The following TAOK3 variants were observed in gnomAD, a reference collection of about 807,000 sequenced individuals.
TAOK3 encodes the protein serine/threonine-protein kinase TAO3.
Under a neutral mutation model 120.4 loss-of-function variants are expected in TAOK3, and 40 were observed. The observed-to-expected ratio is 0.33, with a 90% CI of 0.26 to 0.43. The LOEUF (loss-of-function observed/expected upper bound fraction) is 0.43, where lower values mean the gene tolerates loss of function less well. TAOK3 is among the 20% of genes least tolerant of loss of function. The pLI is 1.00. For missense variants in TAOK3, 821 were observed against 1,112.1 expected, an observed-to-expected ratio of 0.74 and a Z score of 3.72; for synonymous variants, 355 against 387.5, an observed-to-expected ratio of 0.92 and a Z score of 0.99.
intron 3 of TAOK3, among the ~76,000 whole-genome samples, chr12:118,254,375 ATATAC>A (rs2040887791): frequency 6.6e-6 from 1 of 152,204 alleles, no homozygotes; most frequent in Non-Finnish European, 1.5e-5. Context: ...ACTGTCAGGC[ATATAC>A]TAGTTCTTGA....
chr12:118,265,090 C>T (rs1343286255), intron 2 of TAOK3, among the ~76,000 whole-genome samples: 1 of 151,524 alleles, frequency 6.6e-6, no homozygotes, highest in Non-Finnish European at 1.5e-5. Context: ...AAAATATTTG[C>T]CAGTTAAAAG....
At chr12:118,156,194 C>T (rs537221065) in intron 19 of TAOK3, among the ~76,000 whole-genome samples, 5 of 152,148 alleles carry the variant, frequency 3.3e-5, no homozygotes, top group African/African-American at 9.7e-5. Flanking sequence ...AACCTTTCCT[C>T]GCACTCATTC....
intron 2 of TAOK3, among the ~76,000 whole-genome samples, chr12:118,257,456 A>G (rs2041037156): frequency 6.6e-6 from 1 of 152,172 alleles, no homozygotes; most frequent in Non-Finnish European, 1.5e-5. Context: ...TGAAAAATAT[A>G]GAAATGTTAT....
chr12:118,188,348 T>C, intron 14 of TAOK3, among the ~76,000 whole-genome samples: 1 of 152,188 alleles, frequency 6.6e-6, no homozygotes, highest in East Asian at 1.9e-4. Context: ...TTATGATGCT[T>C]TATCTAGACT....
In TAOK3 at chr12:118,262,129, G is replaced by A. The variant is rs910395176; in HGVS notation, c.-89+4526C>T. Among the ~76,000 whole-genome samples, 10 of 152,046 alleles carry A rather than the reference G, an allele frequency of 6.6e-5. No individual in the cohort carries two copies. In the East Asian group the frequency reaches 1.2e-3, roughly 18 times the overall value. On this transcript the variant is annotated intron_variant, in intron 2 of 20. Coordinates refer to ENST00000392533, the MANE Select transcript of TAOK3 (RefSeq NM_016281.4). The stretch of plus-strand genomic sequence containing the variant: ...ACACACCTCGGCCTCCCAAAGTGCC[G>A]GGATGACAGGTGTGAGCCACTGTGC...
At chr12:118,301,039 G>C (rs2042862784) in intron 1 of TAOK3, among the ~76,000 whole-genome samples, 2 of 152,182 alleles carry the variant, frequency 1.3e-5, no homozygotes. Flanking sequence ...GCCTCCCAAA[G>C]TGCTGGGATT....
chr12:118,234,029 C>G (rs1009557002), intron 8 of TAOK3, among the ~76,000 whole-genome samples: 2 of 152,060 alleles, frequency 1.3e-5, no homozygotes, highest in African/African-American at 2.4e-5. Context: ...CTTAACCTAT[C>G]TGTACATCAG....
chr12:118,190,009 C>T (rs1161309267), intron 13 of TAOK3, 68 bp from the exon 14 acceptor site: 3 of 1,592,724 alleles, frequency 1.9e-6, no homozygotes, highest in Admixed American at 1.7e-5. Flanking sequence ...GCCTCTCTCT[C>T]ACCCCTCTTT....
At chr12:118,347,310 G>T (rs1413766259) in intron 1 of TAOK3, among the ~76,000 whole-genome samples, 1 of 152,178 alleles carries the variant, frequency 6.6e-6, no homozygotes, top group African/African-American at 2.4e-5. Flanking sequence ...ACAAGGCCCA[G>T]TCCAAATGAC....
At chr12:118,248,038 T>C (rs2040591199) in intron 3 of TAOK3, among the ~76,000 whole-genome samples, 1 of 152,126 alleles carries the variant, frequency 6.6e-6, no homozygotes, top group African/African-American at 2.4e-5. Context: ...TTAACAATTT[T>C]AGAGAAAAAT....
chr12:118,357,078 C>T (rs1031989040), intron 1 of TAOK3, among the ~76,000 whole-genome samples: 8 of 152,208 alleles, frequency 5.3e-5, no homozygotes, highest in African/African-American at 1.9e-4. Context: ...GTTCTCAGTA[C>T]ATGAAATGTA....
intron 1 of TAOK3, among the ~76,000 whole-genome samples, chr12:118,290,062 A>C (rs182007412): frequency 6.6e-6 from 1 of 152,106 alleles, no homozygotes; most frequent in African/African-American, 2.4e-5. Flanking sequence ...GATTTTAAAT[A>C]CTCTTTAAAG....
At chr12:118,198,831 G>C in intron 13 of TAOK3, 1 of 565,278 alleles carries the variant, frequency 1.8e-6, no homozygotes, top group Non-Finnish European at 3.2e-6. Flanking sequence ...GATGATGATG[G>C]ACATCAGAGT....
intron 13 of TAOK3, among the ~76,000 whole-genome samples, chr12:118,194,612 C>CT (rs58866768): frequency 0.055 from 5,443 of 98,142 alleles, 127 homozygotes; most frequent in African/African-American, 0.088. Flanking sequence ...AAGGACATTT[C>CT]TTTTTTTTTT....
chr12:118,167,395 A>G (rs2035670696), intron 17 of TAOK3, among the ~76,000 whole-genome samples: 1 of 152,082 alleles, frequency 6.6e-6, no homozygotes, highest in African/African-American at 2.4e-5. Context: ...GTATCCCCCA[A>G]AATACTTGTT....
Position 118,360,546 on chromosome 12 carries a change from C to T in TAOK3, c.-194+12102G>A, listed in dbSNP as rs558929761. Among the ~76,000 whole-genome samples, 11 of 129,006 alleles carry T rather than the reference C, an allele frequency of 8.5e-5. No individual in the cohort carries two copies. In the Admixed American group the frequency reaches 9.8e-4, roughly 12 times the overall value. 84.6% of individuals were successfully genotyped at this position (129,006 alleles called of 152,430 possible). A position where few individuals can be genotyped will look rare whatever the true frequency, so the allele number is the denominator to read the frequency against. ...TCGCGCCACTGGACTCCAGCCCGGG[C>T]GACACAGCGAGACTCCGTCTCAAAA... On this transcript the variant is annotated intron_variant, in intron 1 of 20. Coordinates refer to ENST00000392533, the MANE Select transcript of TAOK3 (RefSeq NM_016281.4).
At chr12:118,184,126 A>G (rs1417706775) in intron 14 of TAOK3, among the ~76,000 whole-genome samples, 1 of 152,174 alleles carries the variant, frequency 6.6e-6, no homozygotes, top group Non-Finnish European at 1.5e-5. Context: ...ATTCCAGGAG[A>G]GACATTTTGC....
intron 1 of TAOK3, among the ~76,000 whole-genome samples, chr12:118,322,568 G>A (rs1461394141): frequency 6.6e-6 from 1 of 151,952 alleles, no homozygotes; most frequent in African/African-American, 2.4e-5. Flanking sequence ...TGTAGTGTGA[G>A]AGCAGCCATA....
Position 118,266,711 on chromosome 12 carries a change from C to A in TAOK3, c.-145G>T, listed in dbSNP as rs1393187027. On this transcript the variant is annotated 5_prime_UTR_variant, in exon 2 of 21. Transcript: ENST00000392533. Reference sequence around the variant, plus strand: ...TGCTCAGATTCATTTTAGCAGCAAACTTCTCTTTTCTCTTTTATAACTTCA... The same window carrying A: ...TGCTCAGATTCATTTTAGCAGCAAAATTCTCTTTTCTCTTTTATAACTTCA... 2.5e-6 allele frequency: 1 copy of A among 397,776 alleles called. No individual in the cohort carries two copies. The highest frequency in any genetic ancestry group is 4.4e-6 in the Non-Finnish European group (1 of 225,736). 24.6% of individuals were successfully genotyped at this position (397,776 alleles called of 1,614,324 possible).
Sources: gnomAD v4.1 joint callset for allele counts (sites outside exome capture counted in the v4.1 genomes callset) on GRCh38, gnomAD v4.1.1 for gene constraint, MANE v1.5 for transcripts, NCBI Gene and HGNC (gene_info 2026-07-23, HGNC 2026-07-21) for gene names.